Variants in HSPA12A observed in about 807,000 individuals in gnomAD.
HSPA12A encodes heat shock protein family A (Hsp70) member 12A, also known as heat shock 70 kDa protein 12A.
HSPA12A carries 28 observed loss-of-function variants against 69.2 expected under a neutral mutation model. That is an observed-to-expected ratio of 0.40 (90% CI 0.30 to 0.55). The LOEUF is 0.55. HSPA12A is among the 20% of genes least tolerant of loss of function. The pLI is 0.38. For missense variants in HSPA12A, 686 were observed against 900.7 expected (o/e 0.76, Z 3.05); for synonymous variants, 345 against 370.5 (o/e 0.93, Z 0.79).
chr10:116,677,156 T>A (rs1849264523), intron 10 of HSPA12A, among the ~76,000 whole-genome samples: 1 of 152,216 alleles, frequency 6.6e-6, no homozygotes, highest in African/African-American at 2.4e-5. Context: ...GCGCTTGCCT[T>A]ACCTCCTTCA....
intron 10 of HSPA12A, among the ~76,000 whole-genome samples, chr10:116,679,200 T>G (rs1849329499): frequency 6.6e-6 from 1 of 152,244 alleles, no homozygotes; most frequent in East Asian, 1.9e-4. Flanking sequence ...ACTTCGCTGC[T>G]TTCATAGTTC....
At chr10:116,707,362 C>A in intron 1 of HSPA12A, 77 bp from the exon 2 acceptor site, 2 of 1,128,998 alleles carry the variant, frequency 1.8e-6, no homozygotes, top group Non-Finnish European at 2.6e-6. Flanking sequence ...GCTGCATGGC[C>A]TTAACTCCTC....
intron 1 of HSPA12A, among the ~76,000 whole-genome samples, chr10:116,741,370 C>A (rs555684239): frequency 3.9e-5 from 6 of 152,380 alleles, no homozygotes; most frequent in African/African-American, 1.2e-4. Flanking sequence ...CAGAGCCAAG[C>A]GCTCGTTTCG....
intron 2 of HSPA12A, among the ~76,000 whole-genome samples, chr10:116,804,269 A>G (rs1845022156): frequency 6.6e-6 from 1 of 152,168 alleles, no homozygotes. Flanking sequence ...AATTCATCAA[A>G]CACCCCAACG....
chr10:116,774,199 C>T (rs377163299), intron 2 of HSPA12A, among the ~76,000 whole-genome samples: 3 of 152,086 alleles, frequency 2.0e-5, no homozygotes, highest in East Asian at 3.9e-4. Context: ...TTAGTAGAGA[C>T]GGGGTTTCAC....
At chr10:116,697,028 C>T (rs1849926527) in intron 5 of HSPA12A, among the ~76,000 whole-genome samples, 1 of 152,106 alleles carries the variant, frequency 6.6e-6, no homozygotes, top group South Asian at 2.1e-4. Flanking sequence ...CCTGACCACA[C>T]ACTCCTGTAT....
At chr10:116,819,310 A>G (rs779038749) in intron 2 of HSPA12A, among the ~76,000 whole-genome samples, 3 of 152,172 alleles carry the variant, frequency 2.0e-5, no homozygotes, top group Non-Finnish European at 4.4e-5. Context: ...CACAACAGAC[A>G]GGGCAGAACA....
intron 4 of HSPA12A, among the ~76,000 whole-genome samples, chr10:116,699,858 T>C (rs147309215): frequency 7.2e-5 from 11 of 152,350 alleles, no homozygotes; most frequent in African/African-American, 2.6e-4. Flanking sequence ...GTCTGCACCA[T>C]AGAAGGACAA....
intron 1 of HSPA12A, among the ~76,000 whole-genome samples, chr10:116,721,368 T>C (rs1300519020): frequency 6.6e-6 from 1 of 152,152 alleles, no homozygotes; most frequent in Non-Finnish European, 1.5e-5. Context: ...CCAGGTCTCC[T>C]CCACAGAGCA....
intron 2 of HSPA12A, among the ~76,000 whole-genome samples, chr10:116,799,846 G>T (rs1402138605): frequency 6.6e-6 from 1 of 152,224 alleles, no homozygotes; most frequent in African/African-American, 2.4e-5. Context: ...GATTTAGTGA[G>T]AACTCATAGG....
chr10:116,673,092 A>G lies in HSPA12A; in HGVS notation c.*1689T>C, dbSNP rs1233857165. Reference sequence around the variant, plus strand: ...TTCTCCATTCATTATGCATGCCTCCAGTGATTTAATGAATTTCAGCAGGTG... The same window carrying G: ...TTCTCCATTCATTATGCATGCCTCCGGTGATTTAATGAATTTCAGCAGGTG... On this transcript the variant is annotated 3_prime_UTR_variant, in exon 12 of 12. Transcript: ENST00000369209. 6.6e-6 allele frequency: 1 copy of G among 152,668 alleles called. No individual in the cohort carries two copies. The highest frequency in any genetic ancestry group is 1.5e-5 in the Non-Finnish European group (1 of 68,046). 9.5% of individuals were successfully genotyped at this position (152,668 alleles called of 1,614,324 possible). A position where few individuals can be genotyped will look rare whatever the true frequency, so the allele number is the denominator to read the frequency against.
At chr10:116,796,163 A>AAAAG (rs796300276) in intron 2 of HSPA12A, among the ~76,000 whole-genome samples, 12,564 of 135,510 alleles carry the variant, frequency 0.093, 1,516 homozygotes, top group African/African-American at 0.24. Context: ...AAAAAAAAAA[A>AAAAG]AAAGAAAGAA....
intron 1 of HSPA12A, among the ~76,000 whole-genome samples, chr10:116,847,417 C>G (rs776545514): frequency 6.6e-6 from 1 of 152,184 alleles, no homozygotes; most frequent in Non-Finnish European, 1.5e-5. Flanking sequence ...AGTTAACTTC[C>G]TAAAACCCCA....
At chr10:116,726,397 G>A (rs1351558930) in intron 1 of HSPA12A, among the ~76,000 whole-genome samples, 7 of 151,420 alleles carry the variant, frequency 4.6e-5, no homozygotes, top group African/African-American at 1.7e-4. Flanking sequence ...CTCTCCCCAC[G>A]CATGCATGCA....
chr10:116,748,764 C>T (rs1391160446), intron 2 of HSPA12A, among the ~76,000 whole-genome samples: 3 of 152,210 alleles, frequency 2.0e-5, no homozygotes, highest in African/African-American at 7.2e-5. Flanking sequence ...ATATTCACTA[C>T]ACAAGAACAG....
intron 2 of HSPA12A, among the ~76,000 whole-genome samples, chr10:116,755,853 T>C (rs1843834893): frequency 6.7e-6 from 1 of 148,748 alleles, no homozygotes; most frequent in African/African-American, 2.5e-5. Context: ...GAGCCAGGCG[T>C]GGTGGGGCAC....
intron 2 of HSPA12A, among the ~76,000 whole-genome samples, chr10:116,754,638 AG>A (rs1475245068): frequency 6.6e-6 from 1 of 152,228 alleles, no homozygotes; most frequent in Admixed American, 6.5e-5. Flanking sequence ...AATACTCAAA[AG>A]TCACAAAGAA....
At chr10:116,788,570 G>A (rs892570544) in intron 2 of HSPA12A, among the ~76,000 whole-genome samples, 3 of 152,102 alleles carry the variant, frequency 2.0e-5, no homozygotes, top group Admixed American at 2.0e-4. Flanking sequence ...TAGCATTTTG[G>A]TGAGTATCCT....
intron 6 of HSPA12A, among the ~76,000 whole-genome samples, chr10:116,687,807 C>G (rs1849618197): frequency 6.6e-6 from 1 of 152,198 alleles, no homozygotes; most frequent in Non-Finnish European, 1.5e-5. Context: ...CTCATGGTTA[C>G]TACTCCCACG....
Sources: gnomAD v4.1 joint callset for allele counts (sites outside exome capture counted in the v4.1 genomes callset) on GRCh38, gnomAD v4.1.1 for gene constraint, MANE v1.5 for transcripts, NCBI Gene and HGNC (gene_info 2026-07-23, HGNC 2026-07-21) for gene names.